The following AP5B1 variants were observed in gnomAD, a reference collection of about 807,000 sequenced individuals.
AP5B1 encodes AP-5 complex subunit beta-1.
A neutral mutation model predicts 5.7 loss-of-function variants in AP5B1; 3 were observed. The observed-to-expected ratio is 0.53, with a 90% confidence interval of 0.24 to 1.36. The LOEUF (loss-of-function observed/expected upper bound fraction) is 1.36. Among genes scored for constraint, AP5B1 ranks in the 40% most tolerant of loss-of-function variants. AP5B1 has a pLI of 0.17. For missense variants in AP5B1, 1,310 were observed against 1,143.2 expected (o/e 1.15, Z -2.10); for synonymous variants, 696 against 555.5 (o/e 1.25, Z -3.56).
chr11:65,777,674 T>C lies in AP5B1; in HGVS notation c.*182A>G, dbSNP rs183505536. ...ACTTACCCCGTCTCAGGGATCTTGCTAGAGCAGCAAAAACAGACTCAGACA... is the reference window on the plus strand; with the variant it reads ...ACTTACCCCGTCTCAGGGATCTTGCCAGAGCAGCAAAAACAGACTCAGACA... On this transcript the variant is annotated 3_prime_UTR_variant, in exon 2 of 2. Transcript: ENST00000532090. 9 of 674,114 alleles carry C rather than the reference T, an allele frequency of 1.3e-5. No individual in the cohort carries two copies. Among genetic ancestry groups the C allele is most frequent in the Admixed American group, 3.2e-5 (1 of 31,484 alleles). 41.8% of individuals were successfully genotyped at this position (674,114 alleles called of 1,614,324 possible).
chr11:65,780,395 G>A, intron 1 of AP5B1, 47 bp downstream of exon 1: 1 of 1,466,778 alleles, frequency 6.8e-7, no homozygotes, highest in Non-Finnish European at 9.0e-7. Flanking sequence ...GACGCGGCGG[G>A]CTGGGGTGAC....
rs1331807331 is a variant in AP5B1 at position 65,780,972 on chromosome 11, G to A, written c.-381C>T. On this transcript the variant is annotated 5_prime_UTR_variant, in exon 1 of 2. Transcript: ENST00000532090. ...GCACTCAGGCCGGCCGGCTCCTTCC[G>A]GGCTGGCGGCGCGGGGCGGGGCGCG... 6.7e-6 allele frequency among the ~76,000 whole-genome samples: 1 copy of A among 148,804 alleles called. No homozygotes were observed. Among genetic ancestry groups the A allele is most frequent in the Non-Finnish European group, 1.5e-5 (1 of 66,818 alleles).
Position 65,774,352 on chromosome 11 carries a change from G to A in AP5B1, c.*3504C>T, listed in dbSNP as rs968925613. Among the ~76,000 whole-genome samples the A allele has an allele frequency of 5.4e-4, 82 of 152,332 alleles. No homozygotes were observed. Among genetic ancestry groups the A allele is most frequent in the African/African-American group, 1.8e-3 (75 of 41,574 alleles). On this transcript the variant is annotated 3_prime_UTR_variant, in exon 2 of 2. Coordinates refer to ENST00000532090, the MANE Select transcript of AP5B1 (RefSeq NM_138368.5). ...CCCCAACGGTCATGGCAGAGGAAGA[G>A]AGGGCTGGAAAATTGAGCACTGGCA... is the stretch of plus-strand genomic sequence containing the variant.
In AP5B1 at chr11:65,780,801, A is replaced by T; in HGVS notation, c.-210T>A. On this transcript the variant is annotated 5_prime_UTR_variant, in exon 1 of 2. Transcript: ENST00000532090. ...CGCCGGGGCCCTCGCGGGACAGGAC[A>T]GGAGCAGGGCGGGGGAGGGTGCGTG... 2 of 386,274 alleles carry T rather than the reference A, an allele frequency of 5.2e-6. No homozygotes were observed. The highest frequency in any genetic ancestry group is 8.7e-6 in the Non-Finnish European group (2 of 229,406). The allele number at this position is 386,274 out of a possible 1,614,324, so 23.9% of individuals were successfully genotyped here.
At position 65,778,892 on chromosome 11, in the gene AP5B1, T is replaced by G. The variant is rs1382690636; in HGVS notation, c.1601A>C (p.Asp534Ala). 6.2e-7 allele frequency: 1 copy of G among 1,611,246 alleles called. No homozygotes were observed. The highest frequency in any genetic ancestry group is 8.5e-7 in the Non-Finnish European group (1 of 1,178,922). Reference sequence around the variant, plus strand: ...TTGCAGGTGCCAGCAAAGAGCTTCATCCCTGCCCGGCCTGGACACCACCAC... The same window carrying G: ...TTGCAGGTGCCAGCAAAGAGCTTCAGCCCTGCCCGGCCTGGACACCACCAC... ...RQVVVSRPGR[D>A]EALCWHLQML... The change falls in exon 2 of 2, where the codon GAT (aspartate) becomes GCT (alanine). Residue 534 changes from aspartate to alanine, a missense_variant. Transcript: ENST00000532090.
chr11:65,780,179 G>A lies in AP5B1; in HGVS notation c.314C>T (p.Ala105Val). The change falls in exon 2 of 2, where the codon GCG becomes GTG. Residue 105 changes from alanine to valine, a missense_variant. Ala to Val is a moderately conservative substitution (Grantham distance 64). Coordinates refer to ENST00000532090, the MANE Select transcript of AP5B1 (RefSeq NM_138368.5). ...GGTGGGGCCCAGCGCGCCGCCCGCCGCCAGGGCAGTGGTGGCCGCCAGCAG... is the reference window on the plus strand; with the variant it reads ...GGTGGGGCCCAGCGCGCCGCCCGCCACCAGGGCAGTGGTGGCCGCCAGCAG... ...PLLLAATTAL[A>V]AGGALGPTSG... The A allele has an allele frequency of 1.3e-6, 2 of 1,486,224 alleles. No individual in the cohort carries two copies. Among genetic ancestry groups the A allele is most frequent in the Non-Finnish European group, 1.8e-6 (2 of 1,122,254 alleles). The allele number at this position is 1,486,224 out of a possible 1,614,324, so 92.1% of individuals were successfully genotyped here.
chr11:65,778,911 C>A lies in AP5B1; in HGVS notation c.1582G>T (p.Val528Leu). ...GCTTCATCCCTGCCCGGCCTGGACACCACCACCTGCCGCAACACCACCTTC... is the reference window on the plus strand; with the variant it reads ...GCTTCATCCCTGCCCGGCCTGGACAACACCACCTGCCGCAACACCACCTTC... ...PLKVVLRQVV[V>L]SRPGRDEALC... The change falls in exon 2 of 2, where the codon GTG becomes TTG. Residue 528 changes from valine to leucine, a missense_variant. Physicochemically the swap from Val to Leu is conservative, Grantham distance 32. Coordinates refer to ENST00000532090, the MANE Select transcript of AP5B1 (RefSeq NM_138368.5). 1 of 1,612,298 alleles carries A rather than the reference C, an allele frequency of 6.2e-7. No homozygotes were observed. Among genetic ancestry groups the A allele is most frequent in the Non-Finnish European group, 8.5e-7 (1 of 1,179,536 alleles).
rs1857803952 is a variant in AP5B1 at position 65,778,913 on chromosome 11, A to AC, written c.1579dup (p.Val527GlyfsTer9). 1 of 1,611,424 alleles carries AC rather than the reference A, an allele frequency of 6.2e-7. No individual in the cohort carries two copies. ...TTCATCCCTGCCCGGCCTGGACACC[A>AC]CCACCTGCCGCAACACCACCTTCAG... On this transcript the variant is annotated frameshift_variant, in exon 2 of 2. Coordinates refer to ENST00000532090, the MANE Select transcript of AP5B1 (RefSeq NM_138368.5). LOFTEE classifies it low-confidence loss of function (END_TRUNC).
At position 65,780,345 on chromosome 11, in the gene AP5B1, G is replaced by A. The variant is rs1377559053; in HGVS notation, c.151-3C>T. 2 of 1,467,240 alleles carry A rather than the reference G, an allele frequency of 1.4e-6. No individual in the cohort carries two copies. The highest frequency in any genetic ancestry group is 5.0e-5 in the Admixed American group (2 of 40,340). The allele number at this position is 1,467,240 out of a possible 1,614,324, so 90.9% of individuals were successfully genotyped here. On this transcript the variant is annotated splice_region_variant and splice_polypyrimidine_tract_variant and intron_variant, in intron 1 of 1. Coordinates refer to ENST00000532090, the MANE Select transcript of AP5B1 (RefSeq NM_138368.5). ...ATGCTCAGGGCCAGCAGGGAAACCT[G>A]GATGGGGGATTAGGAGGGAATCACG...
Position 65,779,697 on chromosome 11 carries a change from C to T in AP5B1, c.796G>A (p.Glu266Lys). ...AREHSPEEARELRAAVIQLLD... is the reference protein window; with the variant it reads ...AREHSPEEARKLRAAVIQLLD... ...AGCTGGATCACCGCAGCCCGCAGCT[C>T]CCGCGCCTCCTCAGGGCTGTGCTCT... Residue 266 changes from glutamate (E) to lysine (K), a missense_variant, in exon 2 of 2, where the codon GAG becomes AAG. By Grantham distance (56) the Glu-to-Lys change is moderately conservative. Coordinates refer to ENST00000532090, the MANE Select transcript of AP5B1 (RefSeq NM_138368.5). The T allele has an allele frequency of 6.2e-7, 1 of 1,612,214 alleles. No individual in the cohort carries two copies. The highest frequency in any genetic ancestry group is 8.5e-7 in the Non-Finnish European group (1 of 1,179,552).
chr11:65,780,560 T>C lies in AP5B1; in HGVS notation c.32A>G (p.Gln11Arg), dbSNP rs1329103353. Reference protein sequence around the residue: MGPLSRDAWAQRLGAFRASPS... With the variant: MGPLSRDAWARRLGAFRASPS... ...GCTGGCCCGGAAGGCCCCCAAGCGC[T>C]GGGCCCAGGCGTCCCGGCTCAGGGG... is the stretch of plus-strand genomic sequence containing the variant. Residue 11 changes from glutamine (Q) to arginine (R), a missense_variant, in exon 1 of 2, where the codon CAG (glutamine) becomes CGG (arginine). By Grantham distance (43) the Gln-to-Arg change is conservative. Coordinates refer to ENST00000532090, the MANE Select transcript of AP5B1 (RefSeq NM_138368.5). 6.7e-7 allele frequency: 1 copy of C among 1,498,506 alleles called. No homozygotes were observed. The highest frequency in any genetic ancestry group is 2.1e-5 in the Admixed American group (1 of 46,714). 92.8% of individuals were successfully genotyped at this position (1,498,506 alleles called of 1,614,324 possible). A position where few individuals can be genotyped will look rare whatever the true frequency, so the allele number is the denominator to read the frequency against.
chr11:65,775,875 A>G lies in AP5B1; in HGVS notation c.*1981T>C, dbSNP rs1416793484. On this transcript the variant is annotated 3_prime_UTR_variant, in exon 2 of 2. Transcript: ENST00000532090. Reference sequence around the variant, plus strand: ...CCTGACTCCACCTATTAACAGTACCACTGTCCCAGGCCCTTTCTTTTTTTT... The same window carrying G: ...CCTGACTCCACCTATTAACAGTACCGCTGTCCCAGGCCCTTTCTTTTTTTT... The G allele has an allele frequency of 1.3e-5, 2 of 151,690 alleles. No homozygotes were observed. The highest frequency in any genetic ancestry group is 4.8e-5 in the African/African-American group (2 of 41,254). 9.4% of individuals were successfully genotyped at this position (151,690 alleles called of 1,614,324 possible). A position where few individuals can be genotyped will look rare whatever the true frequency, so the allele number is the denominator to read the frequency against.
chr11:65,778,432 C>T lies in AP5B1; in HGVS notation c.2061G>A (p.Leu687=), dbSNP rs1403160417. 4 of 1,578,362 alleles carry T rather than the reference C, an allele frequency of 2.5e-6. No individual in the cohort carries two copies. Among genetic ancestry groups the T allele is most frequent in the Non-Finnish European group, 2.6e-6 (3 of 1,166,312 alleles). Residue 687 remains leucine (L), a synonymous_variant, in exon 2 of 2, where the codon CTG becomes CTA. Coordinates refer to ENST00000532090, the MANE Select transcript of AP5B1 (RefSeq NM_138368.5). ...GCAGCTCCAGAGAGTAGATGGGCTC[C>T]AGCGCCTCCGGCTGGAGCTTCAACA... The part of the protein sequence containing the change: ...LPVLKLQPEA[L]EPIYSLELRF...
In AP5B1 at chr11:65,775,027, G is replaced by T. The variant is rs1380092168; in HGVS notation, c.*2829C>A. On this transcript the variant is annotated 3_prime_UTR_variant, in exon 2 of 2. Coordinates refer to ENST00000532090, the MANE Select transcript of AP5B1 (RefSeq NM_138368.5). Reference sequence around the variant, plus strand: ...CATCCTCCCTTTTGGTGCCTCCCTAGAAGTGCTGAGAAGATGCAAAACCAA... The same window carrying T: ...CATCCTCCCTTTTGGTGCCTCCCTATAAGTGCTGAGAAGATGCAAAACCAA... 6.6e-6 allele frequency among the ~76,000 whole-genome samples: 1 copy of T among 152,186 alleles called. No homozygotes were observed. The highest frequency in any genetic ancestry group is 1.9e-4 in the East Asian group (1 of 5,206).
Position 65,780,532 on chromosome 11 carries a change from C to A in AP5B1, c.60G>T (p.Pro20=). ...CCTCGGGACCTGCCATGAAGGCAGA[C>A]GGGCTGGCCCGGAAGGCCCCCAAGC... ...AQRLGAFRAS[P]SAFMAGPEGE... The change falls in exon 1 of 2, where the codon CCG becomes CCT. Residue 20 remains proline (P), a synonymous_variant. Transcript: ENST00000532090. 1.3e-6 allele frequency: 2 copies of A among 1,511,808 alleles called. No homozygotes were observed. The highest frequency in any genetic ancestry group is 1.2e-5 in the South Asian group (1 of 80,994). The allele number at this position is 1,511,808 out of a possible 1,614,324, so 93.6% of individuals were successfully genotyped here.
chr11:65,779,541 T>C lies in AP5B1; in HGVS notation c.952A>G (p.Thr318Ala), dbSNP rs769453561. 7 of 1,607,618 alleles carry C rather than the reference T, an allele frequency of 4.4e-6. No homozygotes were observed. The highest frequency in any genetic ancestry group is 5.9e-6 in the Non-Finnish European group (7 of 1,178,378). The change falls in exon 2 of 2, where the codon ACA becomes GCA. Residue 318 changes from threonine to alanine, a missense_variant. Transcript: ENST00000532090. ...GCGTGCAACAGTGTCAGCTGTGCTG[T>C]GCCTAGCAGCCGTACCAGCTGCGGC... ...FKPQLVRLLGTAQLTLLHAML... is the reference protein window; with the variant it reads ...FKPQLVRLLGAAQLTLLHAML...
Position 65,779,896 on chromosome 11 carries a change from G to A in AP5B1, c.597C>T (p.Leu199=), listed in dbSNP as rs548005294. 8.8e-6 allele frequency: 14 copies of A among 1,594,184 alleles called. No homozygotes were observed. In the African/African-American group the frequency reaches 1.7e-4, roughly 20 times the overall value. Residue 199 remains leucine (L), a synonymous_variant, in exon 2 of 2, where the codon CTC becomes CTT. Coordinates refer to ENST00000532090, the MANE Select transcript of AP5B1 (RefSeq NM_138368.5). The part of the protein sequence containing the change: ...LALALRNTLV[L]QSRVGAGLGG... ...CCAGGCCAGCCCCAACCCGGGACTG[G>A]AGCACCAAGGTGTTGCGCAAAGCGA...
In AP5B1 at chr11:65,774,153, T is replaced by C. The variant is rs538794826; in HGVS notation, c.*3703A>G. 6.6e-6 allele frequency among the ~76,000 whole-genome samples: 1 copy of C among 152,312 alleles called. No homozygotes were observed. The highest frequency in any genetic ancestry group is 6.5e-5 in the Admixed American group (1 of 15,296). ...CCTCCCAACCCATCAGGGCCAGGAATTGTTTTAAGTTTTTTCTGAGATTCC... is the reference window on the plus strand; with the variant it reads ...CCTCCCAACCCATCAGGGCCAGGAACTGTTTTAAGTTTTTTCTGAGATTCC... On this transcript the variant is annotated 3_prime_UTR_variant, in exon 2 of 2. Transcript: ENST00000532090.
Position 65,780,679 on chromosome 11 carries a change from G to A in AP5B1, c.-88C>T, listed in dbSNP as rs1857840452. 3 of 1,274,202 alleles carry A rather than the reference G, an allele frequency of 2.4e-6. No individual in the cohort carries two copies. Among genetic ancestry groups the A allele is most frequent in the Non-Finnish European group, 3.0e-6 (3 of 1,003,654 alleles). 78.9% of individuals were successfully genotyped at this position (1,274,202 alleles called of 1,614,324 possible). A position where few individuals can be genotyped will look rare whatever the true frequency, so the allele number is the denominator to read the frequency against. ...CGGGGCCCGCTGCCGACCCCGAGGG[G>A]CTGCGGTCACCCCCAGACGCCGCGC... On this transcript the variant is annotated 5_prime_UTR_variant, in exon 1 of 2. Transcript: ENST00000532090.
Sources: gnomAD v4.1 joint callset for allele counts (sites outside exome capture counted in the v4.1 genomes callset) on GRCh38, gnomAD v4.1.1 for gene constraint, MANE v1.5 for transcripts, NCBI Gene and HGNC (gene_info 2026-07-23, HGNC 2026-07-21) for gene names.